MYO9B: variants seen among roughly 807,000 people sequenced by gnomAD.
MYO9B encodes the protein myosin IXB, also known as unconventional myosin-IXb.
MYO9B carries 71 observed loss-of-function variants against 229.5 expected under a neutral mutation model. That is an observed-to-expected ratio of 0.31 (90% CI 0.26 to 0.38). The LOEUF (loss-of-function observed/expected upper bound fraction) is 0.38, where lower values mean the gene tolerates loss of function less well. Among genes scored for constraint, MYO9B ranks in the 10% least tolerant of loss-of-function variants. MYO9B has a pLI of 1.00. For synonymous variants in MYO9B, 1,185 were observed against 1,235.8 expected, an observed-to-expected ratio of 0.96 and a Z score of 0.86; for missense variants, 2,255 against 2,920.5, an observed-to-expected ratio of 0.77 and a Z score of 5.25.
intron 2 of MYO9B, among the ~76,000 whole-genome samples, chr19:17,137,660 A>C (rs1368254800): frequency 6.6e-6 from 1 of 152,176 alleles, no homozygotes; most frequent in Non-Finnish European, 1.5e-5. Context: ...CAGCCACAGC[A>C]ACTGTCCGGG....
intron 2 of MYO9B, chr19:17,103,245 G>GTTA (rs1297617729): frequency 6.6e-6 from 1 of 152,070 alleles, no homozygotes; most frequent in African/African-American, 2.4e-5. Flanking sequence ...TCTGATTGTT[G>GTTA]TTATTATTCA....
intron 7 of MYO9B, among the ~76,000 whole-genome samples, chr19:17,158,728 C>G (rs1295492276): frequency 6.6e-6 from 1 of 152,158 alleles, no homozygotes; most frequent in Non-Finnish European, 1.5e-5. Context: ...AAGGTCTAAG[C>G]CCAGGCCCTG....
chr19:17,115,182 G>A (rs1026453049), intron 2 of MYO9B, among the ~76,000 whole-genome samples: 2 of 151,848 alleles, frequency 1.3e-5, no homozygotes, highest in Non-Finnish European at 2.9e-5. Flanking sequence ...ATCTACCAGG[G>A]GTTGGCAAAC....
intron 14 of MYO9B, among the ~76,000 whole-genome samples, chr19:17,179,058 C>G (rs2072824670): frequency 6.7e-6 from 1 of 149,510 alleles, no homozygotes; most frequent in South Asian, 2.1e-4. Context: ...ACTAGGGTTT[C>G]TCAACCTCAG....
chr19:17,157,267 A>G, intron 7 of MYO9B: 1 of 480,608 alleles, frequency 2.1e-6, no homozygotes, highest in Non-Finnish European at 3.5e-6. Flanking sequence ...TTAAAACTAC[A>G]GCTCAGGGGC....
At chr19:17,202,772 G>T in intron 28 of MYO9B, 70 bp from the exon 29 acceptor site, 1 of 1,481,342 alleles carries the variant, frequency 6.8e-7, no homozygotes. Context: ...CTGAGTTATG[G>T]GGTGCCAGGG....
At chr19:17,130,242 G>A (rs572876546) in intron 2 of MYO9B, among the ~76,000 whole-genome samples, 6 of 150,966 alleles carry the variant, frequency 4.0e-5, no homozygotes, top group East Asian at 3.9e-4. Flanking sequence ...AGGCTGAGGC[G>A]GGTGAATCAC....
intron 15 of MYO9B, 147 bp from the exon 16 acceptor site, chr19:17,183,682 G>A (rs1056727757): frequency 3.6e-5 from 23 of 635,608 alleles, no homozygotes; most frequent in Admixed American, 1.8e-4. Context: ...GAGAGGTGGC[G>A]GTGGCCTTGT....
chr19:17,107,741 A>G (rs4808568), intron 2 of MYO9B, among the ~76,000 whole-genome samples: 117,105 of 152,192 alleles, frequency 0.77, 45,601 homozygotes, highest in African/African-American at 0.87. Flanking sequence ...CTGTGTGTCC[A>G]TGTCTTCACG....
At chr19:17,174,834 C>T (rs965875582) in intron 13 of MYO9B, among the ~76,000 whole-genome samples, 13 of 145,384 alleles carry the variant, frequency 8.9e-5, no homozygotes, top group African/African-American at 2.8e-4. Flanking sequence ...CTCAGGAGGC[C>T]GAGGCAGGAG....
chr19:17,122,393 G>A (rs954374720), intron 2 of MYO9B, among the ~76,000 whole-genome samples: 2 of 152,096 alleles, frequency 1.3e-5, no homozygotes, highest in Non-Finnish European at 2.9e-5. Flanking sequence ...ACAAAAATTA[G>A]CTGGGTGTGG....
At chr19:17,083,677 G>A (rs926191866) in intron 1 of MYO9B, among the ~76,000 whole-genome samples, 37 of 137,060 alleles carry the variant, frequency 2.7e-4, no homozygotes, top group Non-Finnish European at 4.9e-4. Flanking sequence ...ACTGAGTTTC[G>A]TTCTTGTTGC....
intron 11 of MYO9B, among the ~76,000 whole-genome samples, chr19:17,168,292 G>A (rs2072682945): frequency 6.6e-6 from 1 of 152,206 alleles, no homozygotes; most frequent in South Asian, 2.1e-4. Context: ...AGCCTCTGGA[G>A]TAGCTGGGAC....
intron 18 of MYO9B, among the ~76,000 whole-genome samples, chr19:17,187,412 G>C (rs1429726677): frequency 6.6e-6 from 1 of 152,004 alleles, no homozygotes; most frequent in African/African-American, 2.4e-5. Context: ...CCGGAACACT[G>C]GGCTTTGTCC....
chr19:17,102,776 G>T (rs919592306), intron 2 of MYO9B, among the ~76,000 whole-genome samples: 6 of 150,960 alleles, frequency 4.0e-5, no homozygotes, highest in Admixed American at 3.3e-4. Context: ...GCATAGTAGT[G>T]CTCACCTGTA....
intron 2 of MYO9B, among the ~76,000 whole-genome samples, chr19:17,110,164 G>A (rs1250050439): frequency 6.6e-6 from 1 of 152,146 alleles, no homozygotes; most frequent in Non-Finnish European, 1.5e-5. Context: ...GAGTGTCGCT[G>A]GATGCACCCC....
At chr19:17,210,504 C>T in intron 37 of MYO9B, 124 bp downstream of exon 37, 1 of 1,308,212 alleles carries the variant, frequency 7.6e-7, no homozygotes, top group East Asian at 2.6e-5. Flanking sequence ...GAAGTGCATG[C>T]TGGGGAGGCC....
intron 19 of MYO9B, among the ~76,000 whole-genome samples, chr19:17,190,384 C>T (rs1294052213): frequency 6.9e-6 from 1 of 145,892 alleles, no homozygotes; most frequent in African/African-American, 2.5e-5. Flanking sequence ...AGGGTTTTGC[C>T]ATGTTGGCCA....
chr19:17,140,827 G>C (rs960687694), intron 2 of MYO9B, among the ~76,000 whole-genome samples: 3 of 148,912 alleles, frequency 2.0e-5, no homozygotes, highest in Non-Finnish European at 4.5e-5. Flanking sequence ...CGGGGGCCAG[G>C]CATGGTGACT....
Sources: gnomAD v4.1 joint callset for allele counts (sites outside exome capture counted in the v4.1 genomes callset) on GRCh38, gnomAD v4.1.1 for gene constraint, MANE v1.5 for transcripts, NCBI Gene and HGNC (gene_info 2026-07-23, HGNC 2026-07-21) for gene names.